The following HDAC9 variants were observed in gnomAD, a reference collection of about 807,000 sequenced individuals.
HDAC9 encodes MEF-2 interacting transcription repressor (MITR) protein.
HDAC9 carries 41 observed loss-of-function variants against 139.4 expected under a neutral mutation model. The ratio of observed to expected loss-of-function variants is 0.29; its 90% CI spans 0.23 to 0.38. The LOEUF (loss-of-function observed/expected upper bound fraction) is 0.38. Among genes scored for constraint, HDAC9 ranks in the 10% least tolerant of loss-of-function variants. The probability of loss-of-function intolerance (pLI) is 1.00; values close to 1 mark genes in which losing one functional copy is unlikely to be tolerated. For missense variants in HDAC9, 1,147 were observed against 1,297.0 expected, an observed-to-expected ratio of 0.88 and a Z score of 1.78; for synonymous variants, 517 against 476.2, an observed-to-expected ratio of 1.09 and a Z score of -1.12.
intron 21 of HDAC9, among the ~76,000 whole-genome samples, chr7:18,858,851 A>G (rs963251149): frequency 6.6e-6 from 1 of 152,112 alleles, no homozygotes; most frequent in African/African-American, 2.4e-5. Context: ...ATCTCCTGTG[A>G]AGTTTGAGTG....
chr7:18,968,393 C>T (rs1784021815), intron 24 of HDAC9, among the ~76,000 whole-genome samples: 2 of 151,448 alleles, frequency 1.3e-5, no homozygotes, highest in Admixed American at 6.6e-5. Flanking sequence ...TCGAAGTTGC[C>T]CTTTGATCAG....
chr7:18,166,046 C>T (rs975500808), intron 2 of HDAC9, among the ~76,000 whole-genome samples: 3 of 152,096 alleles, frequency 2.0e-5, no homozygotes, highest in African/African-American at 7.2e-5. Context: ...TCAGCCTGAA[C>T]GTTTTTAAAT....
Position 18,805,056 on chromosome 7 carries a change from C to T in HDAC9, c.2322+11604C>T, listed in dbSNP as rs553591631. ...AAAAGATCTGCCTGCCTCGGCCTCCCGAAGTGCTGGGATTACAGGCATGAG... is the reference window on the plus strand; with the variant it reads ...AAAAGATCTGCCTGCCTCGGCCTCCTGAAGTGCTGGGATTACAGGCATGAG... On this transcript the variant is annotated intron_variant, in intron 17 of 25. Transcript: ENST00000686413. Among the ~76,000 whole-genome samples, 4 of 152,242 alleles carry T rather than the reference C, an allele frequency of 2.6e-5. No individual in the cohort carries two copies. The East Asian group carries it at 7.7e-4, about 29-fold the overall frequency.
intron 12 of HDAC9, among the ~76,000 whole-genome samples, chr7:18,717,179 C>A (rs948571897): frequency 2.5e-4 from 38 of 152,156 alleles, no homozygotes; most frequent in Admixed American, 1.6e-3. Flanking sequence ...AAGGGGCCAC[C>A]ACTTGGCCCT....
At chr7:18,314,036 G>C (rs539268743) in intron 1 of HDAC9, among the ~76,000 whole-genome samples, 2 of 152,228 alleles carry the variant, frequency 1.3e-5, no homozygotes, top group African/African-American at 4.8e-5. Flanking sequence ...TAATTAGATG[G>C]CCAGCTTCCA....
At chr7:18,555,343 A>G (rs911265054) in intron 2 of HDAC9, among the ~76,000 whole-genome samples, 19 of 152,342 alleles carry the variant, frequency 1.2e-4, no homozygotes, top group African/African-American at 4.6e-4. Context: ...TGTTACTAAC[A>G]GCAAAAAATT....
chr7:18,705,859 A>T (rs915283055), intron 12 of HDAC9, among the ~76,000 whole-genome samples: 40 of 142,788 alleles, frequency 2.8e-4, no homozygotes, highest in Non-Finnish European at 4.8e-4. Context: ...TCTCAAAAAA[A>T]AAAATAAAAT....
intron 1 of HDAC9, among the ~76,000 whole-genome samples, chr7:18,125,117 G>T (rs1784575555): frequency 6.6e-6 from 1 of 152,066 alleles, no homozygotes; most frequent in Non-Finnish European, 1.5e-5. Context: ...AGGGAGAAAG[G>T]TGTGTTGGAG....
intron 1 of HDAC9, among the ~76,000 whole-genome samples, chr7:18,390,928 A>T (rs1383162122): frequency 3.9e-5 from 6 of 152,162 alleles, no homozygotes; most frequent in African/African-American, 1.4e-4. Context: ...GTCTCTACTA[A>T]AAATACAAAA....
chr7:18,241,524 A>G (rs563652444), intron 2 of HDAC9, among the ~76,000 whole-genome samples: 17 of 152,314 alleles, frequency 1.1e-4, no homozygotes, highest in African/African-American at 3.6e-4. Flanking sequence ...TGTTTTCACT[A>G]CATGTAGACC....
intron 1 of HDAC9, among the ~76,000 whole-genome samples, chr7:18,454,727 A>C (rs1490905542): frequency 6.6e-6 from 1 of 152,058 alleles, no homozygotes; most frequent in Admixed American, 6.5e-5. Flanking sequence ...TGCACCTGCT[A>C]TTTTCAGCAT....
intron 2 of HDAC9, among the ~76,000 whole-genome samples, chr7:18,539,795 C>T (rs1041991191): frequency 1.3e-5 from 2 of 151,872 alleles, no homozygotes; most frequent in African/African-American, 4.8e-5. Flanking sequence ...TGATGAGGCT[C>T]TTCTACATCT....
intron 12 of HDAC9, among the ~76,000 whole-genome samples, chr7:18,670,307 A>G (rs1795592510): frequency 6.6e-6 from 1 of 152,024 alleles, no homozygotes; most frequent in South Asian, 2.1e-4. Context: ...AAAGAATTTG[A>G]GCAAACACAA....
chr7:18,945,152 C>G (rs1164758523), intron 23 of HDAC9, among the ~76,000 whole-genome samples: 1 of 152,202 alleles, frequency 6.6e-6, no homozygotes, highest in Non-Finnish European at 1.5e-5. Context: ...CTACCAGTGG[C>G]ATACAAGTGT....
intron 1 of HDAC9, among the ~76,000 whole-genome samples, chr7:18,155,468 C>T (rs1787119718): frequency 6.6e-6 from 1 of 152,066 alleles, no homozygotes; most frequent in African/African-American, 2.4e-5. Flanking sequence ...GCAGACCATT[C>T]CTGATTATGT....
intron 22 of HDAC9, among the ~76,000 whole-genome samples, chr7:18,914,188 C>A (rs948899931): frequency 6.6e-6 from 1 of 151,520 alleles, no homozygotes; most frequent in Non-Finnish European, 1.5e-5. Context: ...GGCCTTCACC[C>A]AGTACTGAAT....
At chr7:18,383,008 T>A (rs941905240) in intron 1 of HDAC9, among the ~76,000 whole-genome samples, 1 of 152,232 alleles carries the variant, frequency 6.6e-6, no homozygotes, top group Admixed American at 6.5e-5. Context: ...AAAGATGCAT[T>A]GTGGTAAAGA....
At chr7:18,564,809 T>C (rs1821754219) in intron 2 of HDAC9, among the ~76,000 whole-genome samples, 1 of 152,070 alleles carries the variant, frequency 6.6e-6, no homozygotes, top group Non-Finnish European at 1.5e-5. Flanking sequence ...GATGAAGCAA[T>C]GTCTTTAGAA....
chr7:18,912,239 C>A (rs542584511), intron 22 of HDAC9, among the ~76,000 whole-genome samples: 1 of 152,062 alleles, frequency 6.6e-6, no homozygotes, highest in East Asian at 1.9e-4. Flanking sequence ...ATGACCAGCA[C>A]TATAGATGAG....
Sources: allele counts gnomAD v4.1 joint callset (sites outside exome capture counted in the v4.1 genomes callset), GRCh38; gene constraint gnomAD v4.1.1; transcripts MANE v1.5; gene names NCBI Gene and HGNC (gene_info 2026-07-23, HGNC 2026-07-21).